The following ANKRD16 variants were observed in gnomAD, a reference collection of about 807,000 sequenced individuals.
The protein encoded by ANKRD16 is ankyrin repeat domain-containing protein 16.
ANKRD16 carries 35 observed loss-of-function variants against 37.9 expected under a neutral mutation model. The observed-to-expected ratio is 0.92, with a 90% confidence interval of 0.71 to 1.23. The LOEUF (loss-of-function observed/expected upper bound fraction) is 1.23, where lower values mean the gene tolerates loss of function less well. Among genes scored for constraint, ANKRD16 ranks in the 50% most tolerant of loss-of-function variants. The pLI is 0.00. For synonymous variants in ANKRD16, 206 were observed against 197.2 expected (o/e 1.04, Z -0.37); for missense variants, 480 against 469.9 (o/e 1.02, Z -0.20).
In ANKRD16 at chr10:5,871,063, C is replaced by A. The variant is rs1204495138; in HGVS notation, c.*33+7034G>T. ...ACCACGATTGGCAGAGGCCAGCCCT[C>A]ACTCCCATCTTGTTTCCTTCTCAGT... On this transcript the variant is annotated intron_variant, in intron 7 of 7. Transcript: ENST00000380094. This position sits in a 1 kb window ranked among gnomAD's most constrained non-coding sequence, Gnocchi z 4.5. Among the ~76,000 whole-genome samples the A allele has an allele frequency of 6.6e-6, 1 of 152,192 alleles. No individual in the cohort carries two copies. Among genetic ancestry groups the A allele is most frequent in the Non-Finnish European group, 1.5e-5 (1 of 68,030 alleles).
In ANKRD16 at chr10:5,871,357, A is replaced by C. The variant is rs190495255; in HGVS notation, c.*33+6740T>G. Among the ~76,000 whole-genome samples, 11 of 151,962 alleles carry C rather than the reference A, an allele frequency of 7.2e-5. No individual in the cohort carries two copies. Among genetic ancestry groups the C allele is most frequent in the Non-Finnish European group, 1.5e-4 (10 of 67,984 alleles). ...AGCCGAGATTGAGCCATTGCACTCT[A>C]GCCTGGGCGACAGAGCTAGACTCCA... On this transcript the variant is annotated intron_variant, in intron 7 of 7. Coordinates refer to ENST00000380094, the MANE Select transcript of ANKRD16 (RefSeq NM_019046.3). The surrounding 1 kb of genome is among the most constrained non-coding windows in gnomAD (Gnocchi z 4.5).
At position 5,871,901 on chromosome 10, in the gene ANKRD16, G is replaced by A. The variant is rs1021632605; in HGVS notation, c.*33+6196C>T. Among the ~76,000 whole-genome samples the A allele has an allele frequency of 6.6e-6, 1 of 152,088 alleles. No individual in the cohort carries two copies. The highest frequency in any genetic ancestry group is 2.4e-5 in the African/African-American group (1 of 41,412). ...TCCTTCACCACACAATGCAGCCAAG[G>A]GTGCAGAGAGTTGCTCAGGCCCCTG... On this transcript the variant is annotated intron_variant, in intron 7 of 7. Transcript: ENST00000380094. The surrounding 1 kb of genome is among the most constrained non-coding windows in gnomAD (Gnocchi z 4.5).
chr10:5,888,594 C>T (rs1366302213), intron 1 of ANKRD16, among the ~76,000 whole-genome samples: 2 of 152,108 alleles, frequency 1.3e-5, no homozygotes, highest in East Asian at 3.9e-4. Context: ...TGTGATACAA[C>T]TGCACTGTGC....
intron 5 of ANKRD16, among the ~76,000 whole-genome samples, chr10:5,882,485 C>CA (rs757959621): frequency 0.05 from 6,720 of 134,710 alleles, 413 homozygotes; most frequent in African/African-American, 0.15. Context: ...ACAAACAAAC[C>CA]AAAAAAAAAA....
rs1841980633 is a variant in ANKRD16 at position 5,864,076 on chromosome 10, G to C, written c.*34-1385C>G. ...GGGGAAAAATGGCCACCTGAGGGAA[G>C]TATAAATTACAATACTATCCTGCAG... On this transcript the variant is annotated intron_variant, in intron 7 of 7. Coordinates refer to ENST00000380094, the MANE Select transcript of ANKRD16 (RefSeq NM_019046.3). The surrounding 1 kb of genome is among the most constrained non-coding windows in gnomAD (Gnocchi z 4.4). Among the ~76,000 whole-genome samples the C allele has an allele frequency of 6.6e-6, 1 of 152,110 alleles. No individual in the cohort carries two copies. The highest frequency in any genetic ancestry group is 6.5e-5 in the Admixed American group (1 of 15,272).
chr10:5,862,808 G>C lies in ANKRD16; in HGVS notation c.*34-117C>G, dbSNP rs936721764. The C allele has an allele frequency of 1.7e-6, 1 of 571,712 alleles. No individual in the cohort carries two copies. The allele number at this position is 571,712 out of a possible 1,614,324, so 35.4% of individuals were successfully genotyped here. ...TCAGGGCTGCTGGCTACAGGGCCTG[G>C]CTCTACATGCTGCACAGTCAGAGAG... On this transcript the variant is annotated intron_variant, in intron 7 of 7. Coordinates refer to ENST00000380094, the MANE Select transcript of ANKRD16 (RefSeq NM_019046.3). This position sits in a 1 kb window ranked among gnomAD's most constrained non-coding sequence, Gnocchi z 6.5.
At chr10:5,882,480 CAAA>C (rs1842332581) in intron 5 of ANKRD16, among the ~76,000 whole-genome samples, 18 of 139,768 alleles carry the variant, frequency 1.3e-4, no homozygotes, top group African/African-American at 5.2e-4. Flanking sequence ...AACAAACAAA[CAAA>C]CCAAAAAAAA....
chr10:5,879,251 A>T (rs1842241455), intron 6 of ANKRD16, among the ~76,000 whole-genome samples: 1 of 152,172 alleles, frequency 6.6e-6, no homozygotes, highest in African/African-American at 2.4e-5. Flanking sequence ...AGGTGGGCAG[A>T]TCACTTGAGG....
At chr10:5,872,281 C>A (rs962487996) in intron 7 of ANKRD16, among the ~76,000 whole-genome samples, 18 of 151,990 alleles carry the variant, frequency 1.2e-4, no homozygotes, top group Admixed American at 2.6e-4. Context: ...GAGTTTGAGA[C>A]CAGCCTGGCC....
intron 7 of ANKRD16, among the ~76,000 whole-genome samples, chr10:5,873,346 G>C (rs918960020): frequency 2.6e-5 from 4 of 150,996 alleles, no homozygotes; most frequent in African/African-American, 9.7e-5. Context: ...GACAATTTTT[G>C]TATGTTTAGC....
chr10:5,875,523 G>A (rs1459051473), intron 7 of ANKRD16, among the ~76,000 whole-genome samples: 2 of 152,176 alleles, frequency 1.3e-5, no homozygotes, highest in African/African-American at 4.8e-5. Context: ...TAGATAGGGT[G>A]GCCTGGGCAG....
chr10:5,869,574 T>G lies in ANKRD16; in HGVS notation c.*34-6883A>C, dbSNP rs1842058577. Among the ~76,000 whole-genome samples, 1 of 152,080 alleles carries G rather than the reference T, an allele frequency of 6.6e-6. No individual in the cohort carries two copies. The highest frequency in any genetic ancestry group is 2.4e-5 in the African/African-American group (1 of 41,404). On this transcript the variant is annotated intron_variant, in intron 7 of 7. Transcript: ENST00000380094. This position sits in a 1 kb window ranked among gnomAD's most constrained non-coding sequence, Gnocchi z 4.0. ...TATTTCACTGAGAAGTCGAAGCACC[T>G]AGAAGACAGCTTGGTGTTTCCCAGC...
rs1187455695 is a variant in ANKRD16, at chr10:5,864,562, C to A, written c.*34-1871G>T. 6.6e-6 allele frequency among the ~76,000 whole-genome samples: 1 copy of A among 152,116 alleles called. No individual in the cohort carries two copies. The highest frequency in any genetic ancestry group is 6.5e-5 in the Admixed American group (1 of 15,276). On this transcript the variant is annotated intron_variant, in intron 7 of 7. Transcript: ENST00000380094. The surrounding 1 kb of genome is among the most constrained non-coding windows in gnomAD (Gnocchi z 4.4). ...GATGTCATGCTATTGCTAGATCACA[C>A]CCTGGCCTTTAATGAAAAGAATGCG...
chr10:5,880,792 T>C (rs1374024905), intron 5 of ANKRD16, among the ~76,000 whole-genome samples: 1 of 152,248 alleles, frequency 6.6e-6, no homozygotes, highest in East Asian at 1.9e-4. Flanking sequence ...GGCAGCTTTC[T>C]GCATGACTCA....
Position 5,881,438 on chromosome 10 carries a change from T to TTATATATATATATA in ANKRD16, c.850-1076_850-1063dup, listed in dbSNP as rs869185709. Among the ~76,000 whole-genome samples the TTATATATATATATA allele has an allele frequency of 1.1e-3, 56 of 50,930 alleles. 2 individuals are homozygous for TTATATATATATATA. The highest frequency in any genetic ancestry group is 2.1e-3 in the African/African-American group (29 of 13,582). 33.4% of individuals were successfully genotyped at this position (50,930 alleles called of 152,430 possible). ...ATATTTTATAAAATAAAAATATTAT[T>TTATATATATATATA]TATATATATATATATATATATATAT... is the stretch of plus-strand genomic sequence containing the variant. On this transcript the variant is annotated intron_variant, in intron 5 of 7. Coordinates refer to ENST00000380094, the MANE Select transcript of ANKRD16 (RefSeq NM_019046.3).
rs143466447 is a variant in ANKRD16, at chr10:5,872,141, C to T, written c.*33+5956G>A. Among the ~76,000 whole-genome samples, 563 of 151,250 alleles carry T rather than the reference C, an allele frequency of 3.7e-3. 6 individuals are homozygous for T. The highest frequency in any genetic ancestry group is 0.012 in the African/African-American group (518 of 41,478). ...TGGAGCATAAGACGGCCATGAAACA[C>T]GACATTCACAAAGTTTTAAAGAGCA... On this transcript the variant is annotated intron_variant, in intron 7 of 7. Coordinates refer to ENST00000380094, the MANE Select transcript of ANKRD16 (RefSeq NM_019046.3).
Position 5,870,636 on chromosome 10 carries a change from T to G in ANKRD16, c.*33+7461A>C, listed in dbSNP as rs1842074294. On this transcript the variant is annotated intron_variant, in intron 7 of 7. Transcript: ENST00000380094. The surrounding 1 kb of genome is among the most constrained non-coding windows in gnomAD (Gnocchi z 5.0). ...GCTGGTCTCAAGCCATCTGCCCGCC[T>G]TGGCCTCCCAAAGTGTTGGGATTAC... is the stretch of plus-strand genomic sequence containing the variant. Among the ~76,000 whole-genome samples the G allele has an allele frequency of 6.6e-6, 1 of 152,156 alleles. No homozygotes were observed. Among genetic ancestry groups the G allele is most frequent in the Admixed American group, 6.5e-5 (1 of 15,270 alleles).
chr10:5,887,902 G>A lies in ANKRD16; in HGVS notation c.480C>T (p.Cys160=). ...TGCTCTCTGTCTTCCAGGCACCTGGGCAAACAGTGAGCAGGTACTGGAGGA... is the reference window on the plus strand; with the variant it reads ...TGCTCTCTGTCTTCCAGGCACCTGGACAAACAGTGAGCAGGTACTGGAGGA... ...PLILQYLLTV[C]PGAWKTESKI... is the part of the protein sequence containing the mutation. The change falls in exon 2 of 8, where the codon TGC becomes TGT. Residue 160 remains cysteine (C), a synonymous_variant. Transcript: ENST00000380094. The A allele has an allele frequency of 6.2e-7, 1 of 1,614,208 alleles. No individual in the cohort carries two copies. Among genetic ancestry groups the A allele is most frequent in the Non-Finnish European group, 8.5e-7 (1 of 1,180,016 alleles).
At position 5,882,517 on chromosome 10, in the gene ANKRD16, T is replaced by C. The variant is rs538653205; in HGVS notation, c.849+489A>G. On this transcript the variant is annotated intron_variant, in intron 5 of 7. Transcript: ENST00000380094. ...AAAAAACAAAAAATAAGTAAAAGCA[T>C]AAAGCCAATAGATAATGTTAAGGAT... is the stretch of plus-strand genomic sequence containing the variant. Among the ~76,000 whole-genome samples the C allele has an allele frequency of 4.6e-4, 68 of 149,324 alleles. No individual in the cohort carries two copies. In the South Asian group the frequency reaches 0.014, roughly 31 times the overall value.
Sources: gnomAD v4.1 joint callset for allele counts (sites outside exome capture counted in the v4.1 genomes callset) on GRCh38, gnomAD v4.1.1 for gene constraint, Gnocchi (gnomAD v3.1) non-coding constraint, MANE v1.5 for transcripts, NCBI Gene and HGNC (gene_info 2026-07-23, HGNC 2026-07-21) for gene names.